Variants in MALRD1 observed in about 807,000 individuals in gnomAD.
MALRD1 encodes the protein MAM and LDL-receptor class A domain-containing protein 1.
Under a neutral mutation model 242.1 loss-of-function variants are expected in MALRD1, and 247 were observed. The observed-to-expected ratio is 1.02, with a 90% confidence interval of 0.92 to 1.13. The LOEUF (loss-of-function observed/expected upper bound fraction) is 1.13, where lower values mean the gene tolerates loss of function less well. Among genes scored for constraint, MALRD1 ranks in the 50% most tolerant of loss-of-function variants. MALRD1 has a pLI of 0.00. For synonymous variants in MALRD1, 995 were observed against 866.6 expected, an observed-to-expected ratio of 1.15 and a Z score of -2.60; for missense variants, 2,989 against 2,533.1, an observed-to-expected ratio of 1.18 and a Z score of -3.86.
chr10:19,700,917 G>T (rs1461632840), intron 38 of MALRD1, among the ~76,000 whole-genome samples: 4 of 152,112 alleles, frequency 2.6e-5, no homozygotes, highest in African/African-American at 9.7e-5. Context: ...CCAACACTTT[G>T]GGAGGCCAAG....
chr10:19,347,842 G>A lies in MALRD1; in HGVS notation c.3973G>A (p.Asp1325Asn). ...GAAGCAGGAGAAAGATGAGGACTTT[G>A]ACTGGAACCTGAAAGCTAGCAGCAT... ...SWKQEKDEDF[D>N]WNLKASSIPA... is the part of the protein sequence containing the mutation. Residue 1325 changes from aspartate to asparagine, a missense_variant, in exon 25 of 40, where the codon GAC (aspartate) becomes AAC (asparagine). Physicochemically the swap from Asp to Asn is conservative, Grantham distance 23 (BLOSUM62 1). Coordinates refer to ENST00000454679, the MANE Select transcript of MALRD1 (RefSeq NM_001142308.3). 6.4e-7 allele frequency: 1 copy of A among 1,550,416 alleles called. No individual in the cohort carries two copies. The highest frequency in any genetic ancestry group is 8.7e-7 in the Non-Finnish European group (1 of 1,146,852).
At chr10:19,463,730 C>A (rs895193338) in intron 29 of MALRD1, among the ~76,000 whole-genome samples, 2 of 152,014 alleles carry the variant, frequency 1.3e-5, no homozygotes, top group African/African-American at 4.8e-5. Flanking sequence ...GGGTAGATAC[C>A]CAGTAGTGGG....
intron 36 of MALRD1, among the ~76,000 whole-genome samples, chr10:19,687,429 C>G (rs1168921275): frequency 1.3e-5 from 2 of 152,156 alleles, no homozygotes; most frequent in Non-Finnish European, 2.9e-5. Context: ...ACCCACCAAC[C>G]CACTTAGCCA....
chr10:19,597,820 A>G (rs373683717), intron 34 of MALRD1, among the ~76,000 whole-genome samples: 1 of 152,190 alleles, frequency 6.6e-6, no homozygotes. Context: ...GATTCTTTAC[A>G]TTTTCACAAG....
intron 36 of MALRD1, among the ~76,000 whole-genome samples, chr10:19,661,788 A>T (rs10764118): frequency 0.38 from 58,273 of 151,866 alleles, 12,561 homozygotes; most frequent in Non-Finnish European, 0.49. Context: ...GTATAATTTT[A>T]AAAAAAAAGA....
intron 28 of MALRD1, 103 bp from the exon 29 acceptor site, chr10:19,450,203 TA>T (rs1448339536): frequency 1.0e-6 from 1 of 996,018 alleles, no homozygotes; most frequent in East Asian, 2.7e-5. Context: ...TTTCAGTTTT[TA>T]TTGGTCAAAT....
At position 19,692,498 on chromosome 10, in the gene MALRD1, G is replaced by A; in HGVS notation, c.6258G>A (p.Met2086Ile). 2 of 1,535,846 alleles carry A rather than the reference G, an allele frequency of 1.3e-6. No homozygotes were observed. Among genetic ancestry groups the A allele is most frequent in the Non-Finnish European group, 1.7e-6 (2 of 1,146,582 alleles). Reference sequence around the variant, plus strand: ...TGGGTATTGGATTAGCATTCCTGATGACTCACATCACAGTTGCAGTCTTGT... The same window carrying A: ...TGGGTATTGGATTAGCATTCCTGATAACTCACATCACAGTTGCAGTCTTGT... The part of the protein sequence containing the change: ...TLLGIGLAFL[M>I]THITVAVLCF... The change falls in exon 38 of 40, where the codon ATG becomes ATA. Residue 2086 changes from methionine to isoleucine, a missense_variant. Transcript: ENST00000454679.
intron 30 of MALRD1, among the ~76,000 whole-genome samples, chr10:19,492,412 A>T (rs1412472065): frequency 6.6e-6 from 1 of 152,102 alleles, no homozygotes; most frequent in African/African-American, 2.4e-5. Context: ...TTGGGTCAGT[A>T]ATTCAGGAAG....
intron 36 of MALRD1, among the ~76,000 whole-genome samples, chr10:19,662,835 C>T: frequency 6.6e-6 from 1 of 151,832 alleles, no homozygotes; most frequent in East Asian, 1.9e-4. Context: ...CAGAGATCAC[C>T]CAGGTAAGTG....
At chr10:19,659,897 A>G (rs1282337374) in intron 36 of MALRD1, among the ~76,000 whole-genome samples, 4 of 152,096 alleles carry the variant, frequency 2.6e-5, no homozygotes, top group Non-Finnish European at 5.9e-5. Context: ...GATTTGCTGA[A>G]CTGGTAAATA....
At chr10:19,103,377 C>T (rs565199854) in intron 4 of MALRD1, among the ~76,000 whole-genome samples, 20 of 151,554 alleles carry the variant, frequency 1.3e-4, no homozygotes, top group South Asian at 1.2e-3. Flanking sequence ...CTAGCTAACA[C>T]GGTGAAACCC....
At chr10:19,397,809 A>C (rs528594077) in intron 28 of MALRD1, among the ~76,000 whole-genome samples, 2 of 152,024 alleles carry the variant, frequency 1.3e-5, no homozygotes, top group Admixed American at 1.3e-4. Context: ...AACGTTGCTA[A>C]CACTTCTTTA....
intron 31 of MALRD1, among the ~76,000 whole-genome samples, chr10:19,523,681 G>A (rs564227585): frequency 2.6e-5 from 4 of 152,228 alleles, no homozygotes; most frequent in South Asian, 2.1e-4. Flanking sequence ...AAATGGCAAC[G>A]AATTTCACTT....
At chr10:19,517,863 G>T (rs1833706788) in intron 31 of MALRD1, among the ~76,000 whole-genome samples, 1 of 152,120 alleles carries the variant, frequency 6.6e-6, no homozygotes, top group Admixed American at 6.6e-5. Flanking sequence ...TGCTTCTGAG[G>T]GTCATGGGAG....
intron 25 of MALRD1, among the ~76,000 whole-genome samples, chr10:19,351,739 CAGAA>C (rs1343216682): frequency 1.3e-5 from 2 of 152,106 alleles, no homozygotes; most frequent in East Asian, 3.9e-4. Context: ...TCAGAAGTCA[CAGAA>C]AGAAAGTAAA....
chr10:19,198,096 G>A (rs1836348443), intron 14 of MALRD1, among the ~76,000 whole-genome samples: 1 of 151,952 alleles, frequency 6.6e-6, no homozygotes, highest in African/African-American at 2.4e-5. Flanking sequence ...GCATGATCTC[G>A]GCTCACTGCA....
intron 32 of MALRD1, among the ~76,000 whole-genome samples, chr10:19,537,215 T>C (rs542554205): frequency 7.9e-5 from 12 of 151,992 alleles, no homozygotes; most frequent in Non-Finnish European, 1.8e-4. Flanking sequence ...ACATGAAGAG[T>C]AATTAAAAAT....
intron 31 of MALRD1, among the ~76,000 whole-genome samples, chr10:19,516,342 T>C (rs1833625838): frequency 6.6e-6 from 1 of 152,216 alleles, no homozygotes; most frequent in South Asian, 2.1e-4. Context: ...TTGGCAATCC[T>C]GTAAGCTGGT....
At chr10:19,590,331 TATATA>T in intron 33 of MALRD1, among the ~76,000 whole-genome samples, 1 of 147,654 alleles carries the variant, frequency 6.8e-6, no homozygotes, top group Admixed American at 6.8e-5. Flanking sequence ...ATACATATTT[TATATA>T]TGTACATATT....
Sources: allele counts gnomAD v4.1 joint callset (sites outside exome capture counted in the v4.1 genomes callset), GRCh38; gene constraint gnomAD v4.1.1; transcripts MANE v1.5; gene names NCBI Gene and HGNC (gene_info 2026-07-23, HGNC 2026-07-21).